The following EIF4E3 variants were observed in gnomAD, a reference collection of about 807,000 sequenced individuals.
EIF4E3 encodes the protein eukaryotic translation initiation factor 4E family member 3.
In EIF4E3, 26 loss-of-function variants were observed where a neutral mutation model predicts 31.7. The observed-to-expected ratio is 0.82, with a 90% CI of 0.60 to 1.14. The LOEUF (loss-of-function observed/expected upper bound fraction) is 1.14, where lower values mean the gene tolerates loss of function less well. EIF4E3 is among the 50% of genes most tolerant of loss of function. The pLI is 0.00. For missense variants in EIF4E3, 304 were observed against 270.9 expected (o/e 1.12, Z -0.86); for synonymous variants, 128 against 107.7 (o/e 1.19, Z -1.17).
chr3:71,706,060 T>G (rs1005244450), intron 2 of EIF4E3, among the ~76,000 whole-genome samples: 1 of 152,136 alleles, frequency 6.6e-6, no homozygotes, highest in East Asian at 1.9e-4. Flanking sequence ...AGATGTAAAA[T>G]GGAATTTTCC....
At chr3:71,667,559 A>C in the EIF4E3 span, among the ~76,000 whole-genome samples, 1 of 152,242 alleles carries the variant, frequency 6.6e-6, no homozygotes, top group Non-Finnish European at 1.5e-5. Flanking sequence ...GCAAAGTCCC[A>C]GGATACAAAA....
At chr3:71,662,446 C>T in the EIF4E3 span, among the ~76,000 whole-genome samples, 1 of 152,176 alleles carries the variant, frequency 6.6e-6, no homozygotes, top group Non-Finnish European at 1.5e-5. Context: ...TCTTAAATGC[C>T]TCATATATTG....
At chr3:71,668,696 C>T in the EIF4E3 span, among the ~76,000 whole-genome samples, 44,886 of 152,000 alleles carry the variant, frequency 0.3, 11,193 homozygotes, top group African/African-American at 0.69. Flanking sequence ...CACAATGAGA[C>T]ACCATCTCAC....
At chr3:71,703,502 C>A (rs2049246989) in intron 2 of EIF4E3, among the ~76,000 whole-genome samples, 1 of 152,166 alleles carries the variant, frequency 6.6e-6, no homozygotes, top group Non-Finnish European at 1.5e-5. Context: ...AAAGCACTTG[C>A]TAGGCCTAAG....
chr3:71,713,463 G>T (rs931007142), intron 1 of EIF4E3, among the ~76,000 whole-genome samples: 2 of 152,056 alleles, frequency 1.3e-5, no homozygotes, highest in African/African-American at 4.8e-5. Flanking sequence ...TTGGGAAAAG[G>T]TCTCACTCTG....
chr3:71,674,637 T>C (rs28448730), downstream of EIF4E3, among the ~76,000 whole-genome samples: 2,151 of 152,318 alleles, frequency 0.014, 50 homozygotes, highest in African/African-American at 0.049. Context: ...ACCTCAACAC[T>C]GTTTGTTGTA....
intron 1 of EIF4E3, among the ~76,000 whole-genome samples, chr3:71,749,078 T>C (rs2049901222): frequency 6.6e-6 from 1 of 152,230 alleles, no homozygotes; most frequent in South Asian, 2.1e-4. Flanking sequence ...TGCATAAGTG[T>C]AGTTAACCAT....
chr3:71,694,747 G>A (rs2049111440), intron 4 of EIF4E3, among the ~76,000 whole-genome samples: 2 of 152,168 alleles, frequency 1.3e-5, no homozygotes, highest in Admixed American at 6.5e-5. Context: ...AAACCAGATG[G>A]GTTAACAACC....
upstream of EIF4E3, among the ~76,000 whole-genome samples, chr3:71,726,292 A>G (rs2049638282): frequency 6.6e-6 from 1 of 152,160 alleles, no homozygotes. Flanking sequence ...GAAAGCGGGC[A>G]CCTGTGAACA....
At position 71,684,739 on chromosome 3, in the gene EIF4E3, G is replaced by GA. The variant is rs770263319; in HGVS notation, c.629-12dup. ...GATGCTCTTCATGGGCTAAAGGACAGAAAAAAAACAAAAAAGAAAAAAAGG... is the reference window on the plus strand; with the variant it reads ...GATGCTCTTCATGGGCTAAAGGACAGAAAAAAAAACAAAAAAGAAAAAAAGG... On this transcript the variant is annotated splice_polypyrimidine_tract_variant and intron_variant, in intron 6 of 6. Transcript: ENST00000425534. The GA allele has an allele frequency of 3.9e-5, 63 of 1,608,160 alleles. No homozygotes were observed. The highest frequency in any genetic ancestry group is 1.7e-4 in the Admixed American group (10 of 59,132).
At chr3:71,691,401 T>C (rs12638215) in intron 5 of EIF4E3, among the ~76,000 whole-genome samples, 13,118 of 152,288 alleles carry the variant, frequency 0.086, 1,691 homozygotes, top group East Asian at 0.53. Flanking sequence ...TCTTCCCTTC[T>C]CTTTCTCCCC....
chr3:71,688,313 G>C (rs541147036), intron 6 of EIF4E3, among the ~76,000 whole-genome samples: 1 of 152,216 alleles, frequency 6.6e-6, no homozygotes, highest in East Asian at 1.9e-4. Flanking sequence ...TAACCACTTT[G>C]TGGCCTTATT....
intron 1 of EIF4E3, among the ~76,000 whole-genome samples, chr3:71,746,099 A>G (rs1384614467): frequency 6.6e-6 from 1 of 152,184 alleles, no homozygotes; most frequent in East Asian, 1.9e-4. Flanking sequence ...TTTCAATTAT[A>G]TATTAGTCGA....
chr3:71,750,078 G>C (rs986209849), intron 1 of EIF4E3, among the ~76,000 whole-genome samples: 1 of 152,142 alleles, frequency 6.6e-6, no homozygotes, highest in African/African-American at 2.4e-5. Flanking sequence ...GCAGCATTTT[G>C]CACCGTAGAT....
chr3:71,753,890 C>T (rs554260368), upstream of EIF4E3, among the ~76,000 whole-genome samples: 1,152 of 148,458 alleles, frequency 7.8e-3, 14 homozygotes, highest in African/African-American at 0.027. Context: ...AGCGGCGGCT[C>T]GGGGAGCCCA....
At chr3:71,745,697 C>G (rs747445813) in intron 1 of EIF4E3, among the ~76,000 whole-genome samples, 2 of 152,148 alleles carry the variant, frequency 1.3e-5, no homozygotes, top group African/African-American at 2.4e-5. Flanking sequence ...CTTCGGCACT[C>G]CCAGTAGCAC....
At chr3:71,700,774 A>G (rs1432365800) in intron 2 of EIF4E3, among the ~76,000 whole-genome samples, 5 of 152,158 alleles carry the variant, frequency 3.3e-5, no homozygotes, top group African/African-American at 4.8e-5. Context: ...GGAAGAGGGA[A>G]CAGCTCAGGT....
chr3:71,725,311 G>T lies in EIF4E3; in HGVS notation c.57C>A (p.Ser19=), dbSNP rs1335894537. The T allele has an allele frequency of 2.0e-6, 2 of 979,540 alleles. No individual in the cohort carries two copies. Among genetic ancestry groups the T allele is most frequent in the East Asian group, 1.1e-4 (1 of 8,966 alleles). The allele number at this position is 979,540 out of a possible 1,614,324, so 60.7% of individuals were successfully genotyped here. Residue 19 remains serine (S), a synonymous_variant, in exon 1 of 7, where the codon TCC becomes TCA. Coordinates refer to ENST00000425534, the MANE Select transcript of EIF4E3 (RefSeq NM_001134651.2). This position sits in a 1 kb window ranked among gnomAD's most constrained non-coding sequence, Gnocchi z 6.1. Reference sequence around the variant, plus strand: ...GGGCGGCGGCAGCGGCGGCGGCGCGGGACCCCGGCGGCTCCCGGGCCCCGG... The same window carrying T: ...GGGCGGCGGCAGCGGCGGCGGCGCGTGACCCCGGCGGCTCCCGGGCCCCGG... ...PPAGAREPPG[S]RAAAAAAAPE... is the part of the protein sequence containing the mutation.
At chr3:71,701,868 T>C (rs971953166) in intron 2 of EIF4E3, among the ~76,000 whole-genome samples, 3 of 152,208 alleles carry the variant, frequency 2.0e-5, no homozygotes, top group Admixed American at 6.5e-5. Flanking sequence ...ATGGTGCTAG[T>C]GTAGTGAGGA....
Sources: allele counts gnomAD v4.1 joint callset (sites outside exome capture counted in the v4.1 genomes callset), GRCh38; gene constraint gnomAD v4.1.1; non-coding constraint Gnocchi (gnomAD v3.1); transcripts MANE v1.5; gene names NCBI Gene and HGNC (gene_info 2026-07-23, HGNC 2026-07-21).